The following KLHL1 variants were observed in gnomAD, a reference collection of about 807,000 sequenced individuals.
The protein encoded by KLHL1 is kelch like family member 1.
Under a neutral mutation model 77.7 loss-of-function variants are expected in KLHL1, and 47 were observed. The ratio of observed to expected loss-of-function variants is 0.60; its 90% CI spans 0.48 to 0.77. KLHL1 has a LOEUF of 0.77. Among genes scored for constraint, KLHL1 ranks in the 30% least tolerant of loss-of-function variants. The pLI is 0.00. For synonymous variants in KLHL1, 360 were observed against 325.2 expected (o/e 1.11, Z -1.15); for missense variants, 925 against 910.8 (o/e 1.02, Z -0.20).
At chr13:69,860,529 A>G (rs1880106058) in intron 5 of KLHL1, among the ~76,000 whole-genome samples, 1 of 152,024 alleles carries the variant, frequency 6.6e-6, no homozygotes, top group African/African-American at 2.4e-5. Context: ...CATGAATCCA[A>G]AGTCTTAAAT....
At chr13:69,857,025 C>G (rs1879945234) in intron 5 of KLHL1, among the ~76,000 whole-genome samples, 1 of 152,002 alleles carries the variant, frequency 6.6e-6, no homozygotes, top group African/African-American at 2.4e-5. Flanking sequence ...CCTTTAATGG[C>G]TCCTCCAATG....
At chr13:70,020,282 T>C (rs371801553) in intron 1 of KLHL1, among the ~76,000 whole-genome samples, 1 of 152,116 alleles carries the variant, frequency 6.6e-6, no homozygotes, top group African/African-American at 2.4e-5. Flanking sequence ...AAATATGGCA[T>C]AATATTTTCC....
At chr13:69,976,236 C>T (rs1490251955) in intron 1 of KLHL1, among the ~76,000 whole-genome samples, 1 of 151,714 alleles carries the variant, frequency 6.6e-6, no homozygotes, top group East Asian at 1.9e-4. Context: ...TGTTGCCTTG[C>T]AGAAATAGGT....
intron 1 of KLHL1, among the ~76,000 whole-genome samples, chr13:70,094,944 A>G (rs1887752254): frequency 6.6e-6 from 1 of 152,170 alleles, no homozygotes; most frequent in African/African-American, 2.4e-5. Context: ...CAGTAGAATA[A>G]ATACCAATGG....
chr13:69,785,048 C>G (rs1371622097), intron 7 of KLHL1, among the ~76,000 whole-genome samples: 1 of 151,612 alleles, frequency 6.6e-6, no homozygotes, highest in South Asian at 2.1e-4. Flanking sequence ...CGCCACTACG[C>G]CCGGCTAATT....
intron 4 of KLHL1, among the ~76,000 whole-genome samples, chr13:69,896,282 TC>T (rs1261057814): frequency 7.2e-5 from 11 of 152,204 alleles, no homozygotes; most frequent in Non-Finnish European, 1.5e-4. Context: ...ACTTCTGGCT[TC>T]CTCTTCTGCT....
intron 7 of KLHL1, among the ~76,000 whole-genome samples, chr13:69,796,506 C>T (rs1259710465): frequency 1.3e-5 from 2 of 152,132 alleles, no homozygotes; most frequent in Non-Finnish European, 1.5e-5. Flanking sequence ...AATGCATGGC[C>T]TCCCTTTGCC....
intron 1 of KLHL1, among the ~76,000 whole-genome samples, chr13:70,013,279 A>G (rs908024823): frequency 1.3e-5 from 2 of 152,198 alleles, no homozygotes; most frequent in African/African-American, 4.8e-5. Context: ...CACTTCCAAC[A>G]AAAAAGAGAA....
At chr13:69,966,157 C>CAT (rs938862536) in intron 2 of KLHL1, among the ~76,000 whole-genome samples, 1 of 151,940 alleles carries the variant, frequency 6.6e-6, no homozygotes, top group East Asian at 1.9e-4. Flanking sequence ...CAGTGTTGAC[C>CAT]ATATATATAA....
intron 10 of KLHL1, among the ~76,000 whole-genome samples, 176 bp from the exon 11 acceptor site, chr13:69,701,937 G>A (rs956170699): frequency 6.6e-6 from 1 of 151,692 alleles, no homozygotes; most frequent in African/African-American, 2.4e-5. Context: ...AAAAAGCCAT[G>A]ATTTGTATAT....
chr13:70,075,669 G>A (rs1465796978), intron 1 of KLHL1, among the ~76,000 whole-genome samples: 3 of 140,838 alleles, frequency 2.1e-5, no homozygotes, highest in South Asian at 2.2e-4. Context: ...CTATGTGTGT[G>A]TGTATATATA....
intron 7 of KLHL1, among the ~76,000 whole-genome samples, chr13:69,771,495 T>A (rs1278146662): frequency 6.6e-6 from 1 of 152,184 alleles, no homozygotes; most frequent in Admixed American, 6.5e-5. Flanking sequence ...GGTTAGAAAT[T>A]TCATCCATAG....
At chr13:69,885,035 G>A (rs1352062142) in intron 4 of KLHL1, among the ~76,000 whole-genome samples, 5 of 133,978 alleles carry the variant, frequency 3.7e-5, no homozygotes, top group Non-Finnish European at 7.7e-5. Flanking sequence ...CCGCTTCCCG[G>A]GTTCACGCCA....
At chr13:70,054,927 C>G (rs747822022) in intron 1 of KLHL1, among the ~76,000 whole-genome samples, 22 of 151,774 alleles carry the variant, frequency 1.4e-4, no homozygotes, top group Middle Eastern at 6.8e-3. Context: ...TGTGAAAGAA[C>G]TAGAAAACAA....
chr13:69,891,323 A>T (rs959887263), intron 4 of KLHL1, among the ~76,000 whole-genome samples: 2 of 152,048 alleles, frequency 1.3e-5, no homozygotes, highest in African/African-American at 2.4e-5. Flanking sequence ...TTAATTTTTT[A>T]AAAAAGAAGA....
At chr13:69,881,625 A>C (rs1880992203) in intron 5 of KLHL1, among the ~76,000 whole-genome samples, 1 of 152,274 alleles carries the variant, frequency 6.6e-6, no homozygotes, top group Non-Finnish European at 1.5e-5. Context: ...AATCAGAGAG[A>C]ACTAGCCACT....
chr13:69,818,554 T>C (rs1361857253), intron 6 of KLHL1, among the ~76,000 whole-genome samples: 4 of 152,082 alleles, frequency 2.6e-5, no homozygotes, highest in Non-Finnish European at 5.9e-5. Flanking sequence ...TGGATGCAAA[T>C]GCAGATATCC....
Position 69,875,024 on chromosome 13 carries a change from C to A in KLHL1, c.1227+7259G>T, listed in dbSNP as rs1880713792. ...AAAGTATAAAATTAAATGATATTTT[C>A]TCCACCAAAAATATAGTGTCCTGGG... On this transcript the variant is annotated intron_variant, in intron 5 of 10. Transcript: ENST00000377844. Among the ~76,000 whole-genome samples the A allele has an allele frequency of 2.0e-5, 3 of 152,014 alleles. No individual in the cohort carries two copies. The South Asian group carries it at 6.2e-4, about 31-fold the overall frequency.
Position 69,975,716 on chromosome 13 carries a change from G to A in KLHL1, c.584C>T (p.Ala195Val), listed in dbSNP as rs763690589. 2 of 1,613,524 alleles carry A rather than the reference G, an allele frequency of 1.2e-6. No homozygotes were observed. The highest frequency in any genetic ancestry group is 1.7e-5 in the Admixed American group (1 of 59,896). The change falls in exon 2 of 11, where the codon GCT (alanine) becomes GTT (valine). Residue 195 changes from alanine to valine, a missense_variant. Coordinates refer to ENST00000377844, the MANE Select transcript of KLHL1 (RefSeq NM_020866.3). The part of the protein sequence containing the change: ...SEEFYQAVHH[A>V]EQTFRKMESY... Reference sequence around the variant, plus strand: ...TTCCATCTTTCTGAAGGTTTGCTCAGCATGATGAACAGCTTGATAGAATTC... The same window carrying A: ...TTCCATCTTTCTGAAGGTTTGCTCAACATGATGAACAGCTTGATAGAATTC...
Sources: gnomAD v4.1 joint callset for allele counts (sites outside exome capture counted in the v4.1 genomes callset) on GRCh38, gnomAD v4.1.1 for gene constraint, MANE v1.5 for transcripts, NCBI Gene and HGNC (gene_info 2026-07-23, HGNC 2026-07-21) for gene names.